Variants in CLOCK observed in about 807,000 individuals in gnomAD.
CLOCK encodes circadian locomoter output cycles protein kaput.
CLOCK carries 43 observed loss-of-function variants against 118.4 expected under a neutral mutation model. That is an observed-to-expected ratio of 0.36 (90% CI 0.28 to 0.47). The LOEUF (loss-of-function observed/expected upper bound fraction) is 0.47. Among genes scored for constraint, CLOCK ranks in the 20% least tolerant of loss-of-function variants. CLOCK has a pLI of 1.00. For synonymous variants in CLOCK, 326 were observed against 339.2 expected, an observed-to-expected ratio of 0.96 and a Z score of 0.43; for missense variants, 846 against 999.9, an observed-to-expected ratio of 0.85 and a Z score of 2.08.
intron 4 of CLOCK, among the ~76,000 whole-genome samples, chr4:55,480,840 G>A (rs972718215): frequency 2.7e-5 from 4 of 150,486 alleles, no homozygotes; most frequent in African/African-American, 7.4e-5. Flanking sequence ...GCAGTGAGCC[G>A]AGATCGTACC....
At position 55,434,066 on chromosome 4, in the gene CLOCK, A is replaced by G. The variant is rs1358370552; in HGVS notation, c.*1349T>C. On this transcript the variant is annotated 3_prime_UTR_variant, in exon 23 of 23. Coordinates refer to ENST00000513440, the MANE Select transcript of CLOCK (RefSeq NM_004898.4). ...ACCTCCAGTCCAAGAGACTGATAGC[A>G]GTCTTCAGAGGAACTTATTAGGAGA... is the stretch of plus-strand genomic sequence containing the variant. The G allele has an allele frequency of 6.6e-6, 1 of 152,650 alleles. No homozygotes were observed. Among genetic ancestry groups the G allele is most frequent in the Non-Finnish European group, 1.5e-5 (1 of 68,032 alleles). 9.5% of individuals were successfully genotyped at this position (152,650 alleles called of 1,614,324 possible).
At chr4:55,473,769 A>G (rs1455854887) in intron 7 of CLOCK, among the ~76,000 whole-genome samples, 2 of 152,090 alleles carry the variant, frequency 1.3e-5, no homozygotes, top group Admixed American at 6.5e-5. Flanking sequence ...CTTGTGTCAC[A>G]TTTTGGTAAT....
At chr4:55,534,488 T>C (rs921501427) in intron 1 of CLOCK, among the ~76,000 whole-genome samples, 1 of 152,204 alleles carries the variant, frequency 6.6e-6, no homozygotes, top group Non-Finnish European at 1.5e-5. Context: ...ATTTTTGTTA[T>C]AGCAGCCAAA....
In CLOCK at chr4:55,438,381, C is replaced by T. The variant is rs144899203; in HGVS notation, c.2262G>A (p.Thr754=). ...QQQQSQTLSV[T]QQQQQQSSQE... ...GGGAGCTCTGCTGCTGCTGCTGCTG[C>T]GTTACTGACAATGTCTGTGACTGTT... Residue 754 remains threonine (T), a synonymous_variant, in exon 22 of 23, where the codon ACG becomes ACA. Coordinates refer to ENST00000513440, the MANE Select transcript of CLOCK (RefSeq NM_004898.4). The T allele has an allele frequency of 5.5e-5, 88 of 1,613,622 alleles. No individual in the cohort carries two copies. The African/African-American group carries it at 8.8e-4, about 16-fold the overall frequency.
rs377265634 is a variant in CLOCK, at chr4:55,460,650, AC to A, written c.560-1390del. 1.8e-4 allele frequency among the ~76,000 whole-genome samples: 27 copies of A among 152,116 alleles called. No homozygotes were observed. In the East Asian group the frequency reaches 3.7e-3, roughly 21 times the overall value. ...ATTCATTATGCCTCCACATTCTGCC[AC>A]TCTGATTCAGTCTTGTCTATTACTC... is the stretch of plus-strand genomic sequence containing the variant. On this transcript the variant is annotated intron_variant, in intron 9 of 22. Transcript: ENST00000513440.
intron 15 of CLOCK, 151 bp downstream of exon 15, chr4:55,452,903 A>T: frequency 1.7e-6 from 1 of 584,762 alleles, no homozygotes; most frequent in East Asian, 3.1e-5. Context: ...TAAAATATTA[A>T]ATTAAAAATA....
rs1037061203 is a variant in CLOCK at position 55,429,572 on chromosome 4, A to G, written c.*5843T>C. The stretch of plus-strand genomic sequence containing the variant: ...TACAGCCTGTATACATTATTCCGCC[A>G]AATTTAAGAACTTTAAATGGATTTT... On this transcript the variant is annotated 3_prime_UTR_variant, in exon 23 of 23. Transcript: ENST00000513440. 9.2e-5 allele frequency: 14 copies of G among 152,352 alleles called. 1 individual carries two copies. The South Asian group carries it at 2.9e-3, about 32-fold the overall frequency. 9.4% of individuals were successfully genotyped at this position (152,352 alleles called of 1,614,324 possible).
chr4:55,482,250 C>T (rs936543360), intron 4 of CLOCK, among the ~76,000 whole-genome samples: 2 of 152,148 alleles, frequency 1.3e-5, no homozygotes, highest in South Asian at 2.1e-4. Context: ...CCCCCTTCCA[C>T]CCTCCTCCAA....
intron 2 of CLOCK, among the ~76,000 whole-genome samples, chr4:55,490,348 T>C (rs902092958): frequency 6.6e-6 from 1 of 151,784 alleles, no homozygotes; most frequent in Admixed American, 6.6e-5. Flanking sequence ...ACACCCAACA[T>C]CAGAGGACCC....
At chr4:55,515,477 C>T (rs142346947) in intron 1 of CLOCK, among the ~76,000 whole-genome samples, 5 of 152,244 alleles carry the variant, frequency 3.3e-5, no homozygotes, top group East Asian at 3.9e-4. Flanking sequence ...CGGGTTCAAG[C>T]GATTCTCCTG....
At chr4:55,521,971 G>A (rs1343764611) in intron 1 of CLOCK, among the ~76,000 whole-genome samples, 3 of 152,088 alleles carry the variant, frequency 2.0e-5, no homozygotes, top group Non-Finnish European at 4.4e-5. Flanking sequence ...CAGAGATAGA[G>A]AGATCACAAA....
rs35261810 is a variant in CLOCK at position 55,428,973 on chromosome 4, CTTTTTTT to C, written c.*6435_*6441del. On this transcript the variant is annotated 3_prime_UTR_variant, in exon 23 of 23. Transcript: ENST00000513440. The stretch of plus-strand genomic sequence containing the variant: ...ATGGTAACTGTTCTGGCTGACACAT[CTTTTTTT>C]TTTTTTTTTTTTTTAAAAAGACATT... The C allele has an allele frequency of 8.0e-6, 1 of 125,750 alleles. No homozygotes were observed. Among genetic ancestry groups the C allele is most frequent in the African/African-American group, 2.9e-5 (1 of 33,912 alleles). 7.8% of individuals were successfully genotyped at this position (125,750 alleles called of 1,614,324 possible). A position where few individuals can be genotyped will look rare whatever the true frequency, so the allele number is the denominator to read the frequency against.
At position 55,455,916 on chromosome 4, in the gene CLOCK, C is replaced by CA. The variant is rs748049217; in HGVS notation, c.962dup (p.Leu321PhefsTer6). 6.2e-7 allele frequency: 1 copy of CA among 1,613,494 alleles called. No homozygotes were observed. Among genetic ancestry groups the CA allele is most frequent in the South Asian group, 1.1e-5 (1 of 91,064 alleles). On this transcript the variant is annotated frameshift_variant, in exon 13 of 23. Coordinates refer to ENST00000513440, the MANE Select transcript of CLOCK (RefSeq NM_004898.4). LOFTEE classifies it high-confidence loss of function. Reference sequence around the variant, plus strand: ...ACTTACAGTGCTCATGACATTTTGCCAAATTTTCTAGGTCATCCACATGAT... The same window carrying CA: ...ACTTACAGTGCTCATGACATTTTGCCAAAATTTTCTAGGTCATCCACATGAT...
intron 7 of CLOCK, among the ~76,000 whole-genome samples, chr4:55,473,836 C>A (rs986946209): frequency 3.9e-5 from 6 of 152,016 alleles, no homozygotes; most frequent in Non-Finnish European, 8.8e-5. Context: ...GTGATTCGCC[C>A]ACATAAGGTG....
At chr4:55,471,796 C>T (rs774452658) in intron 7 of CLOCK, among the ~76,000 whole-genome samples, 8 of 152,080 alleles carry the variant, frequency 5.3e-5, no homozygotes, top group Non-Finnish European at 1.2e-4. Context: ...GAGAAGCCTG[C>T]GTGCAGTGGC....
intron 8 of CLOCK, among the ~76,000 whole-genome samples, chr4:55,464,710 T>G (rs1725611983): frequency 6.6e-6 from 1 of 152,196 alleles, no homozygotes; most frequent in Non-Finnish European, 1.5e-5. Flanking sequence ...GAAGATTTTG[T>G]TTGAAGAGCT....
chr4:55,451,313 T>C (rs1724426953), intron 15 of CLOCK, among the ~76,000 whole-genome samples: 1 of 152,248 alleles, frequency 6.6e-6, no homozygotes, highest in South Asian at 2.1e-4. Context: ...CTGAATCTGA[T>C]ACAGCTGATC....
At chr4:55,442,728 T>C in intron 20 of CLOCK, 94 bp from the exon 21 acceptor site, 2 of 1,116,902 alleles carry the variant, frequency 1.8e-6, no homozygotes, top group Non-Finnish European at 2.6e-6. Context: ...TATGACAATA[T>C]GACAGAGAAA....
intron 2 of CLOCK, among the ~76,000 whole-genome samples, chr4:55,495,888 T>C (rs1488538052): frequency 3.0e-5 from 4 of 133,820 alleles, no homozygotes; most frequent in Non-Finnish European, 6.7e-5. Context: ...ACAAACTTTT[T>C]TTAAAAAAAC....
Sources: gnomAD v4.1 joint callset for allele counts (sites outside exome capture counted in the v4.1 genomes callset) on GRCh38, gnomAD v4.1.1 for gene constraint, MANE v1.5 for transcripts, NCBI Gene and HGNC (gene_info 2026-07-23, HGNC 2026-07-21) for gene names.